MCTP1: variants seen among roughly 807,000 people sequenced by gnomAD.
MCTP1 encodes multiple C2 and transmembrane domain-containing protein 1.
Under a neutral mutation model 120.6 loss-of-function variants are expected in MCTP1, and 69 were observed. The observed-to-expected ratio is 0.57, with a 90% CI of 0.47 to 0.70. The LOEUF (loss-of-function observed/expected upper bound fraction) is 0.70, where lower values mean the gene tolerates loss of function less well. MCTP1 is among the 30% of genes least tolerant of loss of function. MCTP1 has a pLI of 0.00. For missense variants in MCTP1, 1,203 were observed against 1,248.8 expected (o/e 0.96, Z 0.55); for synonymous variants, 529 against 493.1 (o/e 1.07, Z -0.96).
At chr5:95,113,644 T>C (rs928580522) in intron 1 of MCTP1, among the ~76,000 whole-genome samples, 1 of 152,202 alleles carries the variant, frequency 6.6e-6, no homozygotes, top group African/African-American at 2.4e-5. Context: ...TTTGAGTTCC[T>C]GCAAGCCTTA....
At chr5:94,867,242 A>G in intron 17 of MCTP1, 1 of 1,456,602 alleles carries the variant, frequency 6.9e-7, no homozygotes, top group Non-Finnish European at 9.1e-7. Context: ...CTTAACGATA[A>G]TGACAATTGC....
chr5:95,138,405 T>C (rs1317927290), intron 1 of MCTP1, among the ~76,000 whole-genome samples: 1 of 152,204 alleles, frequency 6.6e-6, no homozygotes, highest in East Asian at 1.9e-4. Flanking sequence ...TCCAGGTTTT[T>C]CTCACTATCC....
intron 17 of MCTP1, among the ~76,000 whole-genome samples, chr5:94,834,996 A>G (rs947945188): frequency 1.3e-5 from 2 of 151,700 alleles, no homozygotes; most frequent in African/African-American, 4.8e-5. Context: ...CTAGTTTTGT[A>G]TTTTTAGTAG....
intron 1 of MCTP1, among the ~76,000 whole-genome samples, chr5:95,074,483 A>G (rs1753052956): frequency 6.6e-6 from 1 of 152,232 alleles, no homozygotes. Flanking sequence ...TTGCTAAATG[A>G]TTTGGATAGG....
chr5:95,151,276 A>G (rs1363559190), intron 1 of MCTP1, among the ~76,000 whole-genome samples: 1 of 151,708 alleles, frequency 6.6e-6, no homozygotes, highest in Non-Finnish European at 1.5e-5. Context: ...GAGCCACCAC[A>G]CCCGGCCAGA....
chr5:94,871,905 C>T (rs114520911), intron 13 of MCTP1, among the ~76,000 whole-genome samples: 2,232 of 152,002 alleles, frequency 0.015, 37 homozygotes, highest in South Asian at 0.068. Context: ...ACTAGATCAT[C>T]GACGTAGTTT....
chr5:94,725,630 A>G, intron 19 of MCTP1, among the ~76,000 whole-genome samples: 1 of 152,194 alleles, frequency 6.6e-6, no homozygotes, highest in East Asian at 1.9e-4. Flanking sequence ...GAGTTTAGAG[A>G]AGGAGGTGGG....
At chr5:95,108,094 A>G (rs754839023) in intron 1 of MCTP1, among the ~76,000 whole-genome samples, 4 of 152,226 alleles carry the variant, frequency 2.6e-5, no homozygotes, top group Non-Finnish European at 5.9e-5. Flanking sequence ...TATGGATTAC[A>G]GTTAAGAAAG....
chr5:95,108,244 T>A (rs1020001150), intron 1 of MCTP1, among the ~76,000 whole-genome samples: 1 of 152,164 alleles, frequency 6.6e-6, no homozygotes, highest in Non-Finnish European at 1.5e-5. Context: ...ATTTTGTCAA[T>A]CTCCCTTCAA....
intron 1 of MCTP1, among the ~76,000 whole-genome samples, chr5:95,049,913 G>T (rs1177056771): frequency 6.6e-6 from 1 of 152,098 alleles, no homozygotes; most frequent in East Asian, 1.9e-4. Flanking sequence ...AATTAAATAT[G>T]TTCTAAAAAT....
At chr5:95,255,573 C>T (rs1422001796) in intron 1 of MCTP1, among the ~76,000 whole-genome samples, 5 of 152,068 alleles carry the variant, frequency 3.3e-5, no homozygotes, top group East Asian at 3.9e-4. Flanking sequence ...TATGAATAGG[C>T]GAAGGTTACA....
intron 22 of MCTP1, among the ~76,000 whole-genome samples, 191 bp from the exon 23 acceptor site, chr5:94,707,758 T>C (rs1288861961): frequency 6.6e-6 from 1 of 151,980 alleles, no homozygotes; most frequent in Non-Finnish European, 1.5e-5. Flanking sequence ...TGTTGGAAAG[T>C]ACATGGGGCC....
intron 1 of MCTP1, among the ~76,000 whole-genome samples, chr5:95,065,946 G>C (rs1345799638): frequency 1.3e-5 from 2 of 152,102 alleles, no homozygotes; most frequent in Non-Finnish European, 2.9e-5. Flanking sequence ...TTATATCGGT[G>C]TGGGCAAGTG....
intron 1 of MCTP1, among the ~76,000 whole-genome samples, chr5:95,192,503 T>A (rs1486301720): frequency 6.6e-6 from 1 of 152,072 alleles, no homozygotes; most frequent in Non-Finnish European, 1.5e-5. Context: ...ATTAGTTTTA[T>A]GGTGCATATG....
At chr5:94,909,652 A>G (rs1217921545) in intron 9 of MCTP1, among the ~76,000 whole-genome samples, 2 of 152,142 alleles carry the variant, frequency 1.3e-5, no homozygotes, top group East Asian at 3.8e-4. Flanking sequence ...TATAAATTAT[A>G]TAGAAGAGGT....
At chr5:94,924,686 C>A (rs764347078) in intron 6 of MCTP1, among the ~76,000 whole-genome samples, 68 of 152,272 alleles carry the variant, frequency 4.5e-4, no homozygotes, top group Middle Eastern at 3.4e-3. Context: ...AAAAAAATAG[C>A]TATCCATTTT....
Position 95,026,307 on chromosome 5 carries a change from T to C in MCTP1, c.721-8823A>G, listed in dbSNP as rs563087958. ...CTTTGCGTTACATACAATCCAATTA[T>C]ATACCTTTAGTACTTTAAAATGTAC... On this transcript the variant is annotated intron_variant, in intron 1 of 22. Transcript: ENST00000515393. Among the ~76,000 whole-genome samples, 9 of 152,296 alleles carry C rather than the reference T, an allele frequency of 5.9e-5. No homozygotes were observed. The South Asian group carries it at 1.7e-3, about 28-fold the overall frequency.
intron 10 of MCTP1, among the ~76,000 whole-genome samples, chr5:94,907,720 C>T: frequency 6.6e-6 from 1 of 150,696 alleles, no homozygotes; most frequent in East Asian, 1.9e-4. Context: ...GAGAAATTTT[C>T]ACAGTTTTTA....
In MCTP1 at chr5:95,191,165, G is replaced by A. The variant is rs114829607; in HGVS notation, c.720+92691C>T. Among the ~76,000 whole-genome samples, 527 of 151,804 alleles carry A rather than the reference G, an allele frequency of 3.5e-3. 4 individuals carry two copies. Among genetic ancestry groups the A allele is most frequent in the African/African-American group, 0.012 (481 of 41,474 alleles). ...AATGAAAACATAAAATCTATCCACC[G>A]TCATATATAAAAATAGGCCAGGGAA... is the stretch of plus-strand genomic sequence containing the variant. On this transcript the variant is annotated intron_variant, in intron 1 of 22. Transcript: ENST00000515393.
Sources: gnomAD v4.1 joint callset for allele counts (sites outside exome capture counted in the v4.1 genomes callset) on GRCh38, gnomAD v4.1.1 for gene constraint, MANE v1.5 for transcripts, NCBI Gene and HGNC (gene_info 2026-07-23, HGNC 2026-07-21) for gene names.